The following KCND2 variants were observed in gnomAD, a reference collection of about 807,000 sequenced individuals.
KCND2 encodes potassium voltage-gated channel subfamily D member 2.
Under a neutral mutation model 54.4 loss-of-function variants are expected in KCND2, and 16 were observed. The ratio of observed to expected loss-of-function variants is 0.29; its 90% confidence interval spans 0.20 to 0.45. The LOEUF (loss-of-function observed/expected upper bound fraction) is 0.45, where lower values mean the gene tolerates loss of function less well. Ranked by LOEUF, KCND2 falls within the 20% of genes least tolerant of loss-of-function variation. KCND2 has a pLI of 1.00. For missense variants in KCND2, 486 were observed against 824.2 expected, an observed-to-expected ratio of 0.59 and a Z score of 5.02; for synonymous variants, 317 against 310.7, an observed-to-expected ratio of 1.02 and a Z score of -0.21.
rs1432928965 is a variant in KCND2 at position 120,737,092 on chromosome 7, A to T, written c.1278+4027A>T. Among the ~76,000 whole-genome samples the T allele has an allele frequency of 7.4e-5, 11 of 149,576 alleles. No homozygotes were observed. The East Asian group carries it at 1.8e-3, about 24-fold the overall frequency. On this transcript the variant is annotated intron_variant, in intron 2 of 5. Transcript: ENST00000331113. ...CACACACACAAACAAAAAAAAAAAA[A>T]ACAAAACAAAAAACAGATTGTTGAG...
chr7:120,736,403 A>C (rs1792871036), intron 2 of KCND2, among the ~76,000 whole-genome samples: 1 of 151,924 alleles, frequency 6.6e-6, no homozygotes. Flanking sequence ...CTCTACTCCC[A>C]CCATTGGTAA....
chr7:120,652,766 T>C (rs534215748), intron 1 of KCND2, among the ~76,000 whole-genome samples: 11 of 152,296 alleles, frequency 7.2e-5, no homozygotes, highest in African/African-American at 2.6e-4. Flanking sequence ...TTCATCCCAA[T>C]GCTAATTTTA....
chr7:120,731,291 T>A (rs1052473887), intron 1 of KCND2, among the ~76,000 whole-genome samples: 66 of 152,164 alleles, frequency 4.3e-4, no homozygotes, highest in African/African-American at 1.5e-3. Context: ...ATGTTACTTG[T>A]TAATAAGTAC....
At chr7:120,734,485 C>T (rs993666832) in intron 2 of KCND2, among the ~76,000 whole-genome samples, 15 of 152,048 alleles carry the variant, frequency 9.9e-5, no homozygotes, top group Non-Finnish European at 4.4e-5. Flanking sequence ...GTTGGAGATC[C>T]ACCATTCCAT....
Position 120,275,325 on chromosome 7 carries a change from C to G in KCND2, c.693C>G (p.Cys231Trp). The G allele has an allele frequency of 6.2e-7, 1 of 1,613,798 alleles. No individual in the cohort carries two copies. The highest frequency in any genetic ancestry group is 8.5e-7 in the Non-Finnish European group (1 of 1,179,958). Residue 231 changes from cysteine (C) to tryptophan (W), a missense_variant, in exon 1 of 6, where the codon TGC becomes TGG. Transcript: ENST00000331113. ...AGCGGTATGCTGTGGCCTTCTTCTGCTTGGACACGGCCTGCGTCATGATCT... is the reference window on the plus strand; with the variant it reads ...AGCGGTATGCTGTGGCCTTCTTCTGGTTGGACACGGCCTGCGTCATGATCT... ...CGERYAVAFF[C>W]LDTACVMIFT... is the part of the protein sequence containing the mutation.
intron 1 of KCND2, among the ~76,000 whole-genome samples, chr7:120,384,548 G>A (rs1800960628): frequency 6.6e-6 from 1 of 152,024 alleles, no homozygotes; most frequent in Non-Finnish European, 1.5e-5. Context: ...CTATAATACA[G>A]CACATTGCAT....
At chr7:120,555,451 G>A (rs1027445506) in intron 1 of KCND2, among the ~76,000 whole-genome samples, 1 of 152,138 alleles carries the variant, frequency 6.6e-6, no homozygotes, top group Admixed American at 6.5e-5. Context: ...CCTGCAATTG[G>A]CTCTTGCTTT....
intron 1 of KCND2, among the ~76,000 whole-genome samples, chr7:120,700,773 A>G (rs1346895442): frequency 1.3e-5 from 2 of 152,242 alleles, no homozygotes; most frequent in Non-Finnish European, 2.9e-5. Context: ...TTTATTGAAC[A>G]TAGATTTCTA....
At chr7:120,702,680 T>C (rs1378228101) in intron 1 of KCND2, among the ~76,000 whole-genome samples, 1 of 152,050 alleles carries the variant, frequency 6.6e-6, no homozygotes, top group Non-Finnish European at 1.5e-5. Flanking sequence ...CTTAGCAAAC[T>C]AAGGAATTCC....
At chr7:120,311,766 T>A (rs140379484) in intron 1 of KCND2, among the ~76,000 whole-genome samples, 9 of 152,168 alleles carry the variant, frequency 5.9e-5, no homozygotes, top group Non-Finnish European at 1.3e-4. Flanking sequence ...TTTCCCTCTA[T>A]GTGTCCATGT....
chr7:120,728,837 A>G (rs1219146739), intron 1 of KCND2, among the ~76,000 whole-genome samples: 2 of 152,122 alleles, frequency 1.3e-5, no homozygotes, highest in Non-Finnish European at 2.9e-5. Context: ...ATAAATTTAC[A>G]AATAAGGAGT....
intron 1 of KCND2, among the ~76,000 whole-genome samples, chr7:120,463,372 A>G (rs956893386): frequency 2.0e-5 from 3 of 151,868 alleles, no homozygotes; most frequent in African/African-American, 7.3e-5. Context: ...CTAAAGTTAG[A>G]TGCATAGGTA....
intron 1 of KCND2, among the ~76,000 whole-genome samples, chr7:120,655,233 C>T (rs1562900056): frequency 6.6e-6 from 1 of 151,822 alleles, no homozygotes. Context: ...AATTACTTTA[C>T]ACCAAAAGAG....
intron 1 of KCND2, among the ~76,000 whole-genome samples, chr7:120,517,306 G>C (rs1208051637): frequency 6.6e-6 from 1 of 151,970 alleles, no homozygotes; most frequent in Non-Finnish European, 1.5e-5. Flanking sequence ...TAGATAAAAT[G>C]AGTAGTATTT....
At chr7:120,460,592 G>A (rs1218865291) in intron 1 of KCND2, among the ~76,000 whole-genome samples, 1 of 143,376 alleles carries the variant, frequency 7.0e-6, no homozygotes, top group Non-Finnish European at 1.5e-5. Context: ...TTTAAAATTG[G>A]AATCTAGAAT....
chr7:120,430,554 T>TA (rs528129487), intron 1 of KCND2, among the ~76,000 whole-genome samples: 1,976 of 145,760 alleles, frequency 0.014, 22 homozygotes, highest in Middle Eastern at 0.035. Context: ...GACCCTATCT[T>TA]AAAAAAAAAA....
chr7:120,279,671 C>A (rs917491103), intron 1 of KCND2, among the ~76,000 whole-genome samples: 2 of 151,654 alleles, frequency 1.3e-5, no homozygotes, highest in Admixed American at 1.3e-4. Flanking sequence ...AATTTTTGTG[C>A]GTTTGGTGAA....
intron 1 of KCND2, among the ~76,000 whole-genome samples, chr7:120,584,463 G>T (rs1000478406): frequency 2.0e-5 from 3 of 152,150 alleles, no homozygotes; most frequent in Non-Finnish European, 2.9e-5. Flanking sequence ...AAGCATTCAC[G>T]CAGCTAAAAT....
chr7:120,746,014 C>T lies in KCND2; in HGVS notation c.1702C>T (p.Pro568Ser). The T allele has an allele frequency of 1.2e-6, 2 of 1,613,356 alleles. No homozygotes were observed. The highest frequency in any genetic ancestry group is 1.7e-6 in the Non-Finnish European group (2 of 1,179,666). ...TIQIRCVERT[P>S]LSNSRSSLNA... ...TCAGATCAGATGTGTGGAGAGAACACCTCTGTCTAACAGGTACCTGAGATT... is the reference window on the plus strand; with the variant it reads ...TCAGATCAGATGTGTGGAGAGAACATCTCTGTCTAACAGGTACCTGAGATT... The change falls in exon 5 of 6, where the codon CCT becomes TCT. Residue 568 changes from proline (P) to serine (S), a missense_variant. Transcript: ENST00000331113.
Sources: gnomAD v4.1 joint callset for allele counts (sites outside exome capture counted in the v4.1 genomes callset) on GRCh38, gnomAD v4.1.1 for gene constraint, MANE v1.5 for transcripts, NCBI Gene and HGNC (gene_info 2026-07-23, HGNC 2026-07-21) for gene names.